SLC5A4: variants seen among roughly 807,000 people sequenced by gnomAD.
The protein encoded by SLC5A4 is solute carrier family 5 member 4.
A neutral mutation model predicts 70.3 loss-of-function variants in SLC5A4; 55 were observed. The observed-to-expected ratio is 0.78, with a 90% CI of 0.63 to 0.98. SLC5A4 has a LOEUF of 0.98. SLC5A4 is among the 50% of genes least tolerant of loss of function. The pLI is 0.00. For synonymous variants in SLC5A4, 268 were observed against 305.7 expected (o/e 0.88, Z 1.29); for missense variants, 735 against 839.2 (o/e 0.88, Z 1.53).
the SLC5A4 span, among the ~76,000 whole-genome samples, chr22:32,310,649 G>A: frequency 6.6e-6 from 1 of 152,220 alleles, no homozygotes; most frequent in Non-Finnish European, 1.5e-5. Context: ...GCCTGGAGGA[G>A]ACAGCTGGAC....
the SLC5A4 span, among the ~76,000 whole-genome samples, chr22:32,313,663 G>T: frequency 1.3e-5 from 2 of 152,176 alleles, no homozygotes; most frequent in Non-Finnish European, 2.9e-5. Flanking sequence ...ATCTGTGGCA[G>T]GCAGCATGAA....
At chr22:32,228,147 A>G (rs1355226434) in intron 11 of SLC5A4, among the ~76,000 whole-genome samples, 1 of 152,168 alleles carries the variant, frequency 6.6e-6, no homozygotes, top group Admixed American at 6.5e-5. Context: ...CGATGGTTAC[A>G]TGGGTCCTCA....
intron 7 of SLC5A4, 94 bp from the exon 8 acceptor site, chr22:32,235,187 C>A: frequency 1.2e-6 from 1 of 849,040 alleles, no homozygotes; most frequent in Middle Eastern, 3.6e-4. Context: ...TAAACAAGCA[C>A]CTCCCATCAG....
the SLC5A4 span, chr22:32,327,359 G>T: frequency 6.6e-6 from 1 of 152,424 alleles, no homozygotes; most frequent in African/African-American, 2.4e-5. Flanking sequence ...TTTGCTTCCT[G>T]GCCAGAGTGC....
chr22:32,338,414 C>T, the SLC5A4 span, among the ~76,000 whole-genome samples: 6 of 152,060 alleles, frequency 3.9e-5, no homozygotes, highest in Non-Finnish European at 5.9e-5. Context: ...TTTGGGAGGC[C>T]GAGGCAGGTG....
At chr22:32,247,981 C>T (rs147264360) in intron 4 of SLC5A4, among the ~76,000 whole-genome samples, 1 of 152,306 alleles carries the variant, frequency 6.6e-6, no homozygotes, top group Non-Finnish European at 1.5e-5. Context: ...CCTCCATTGC[C>T]TTCACTTTTA....
chr22:32,332,287 G>A, the SLC5A4 span, among the ~76,000 whole-genome samples: 82 of 152,240 alleles, frequency 5.4e-4, 1 homozygote, highest in Admixed American at 1.7e-3. Context: ...TCTGCCACCC[G>A]TCCCCTCCTG....
the SLC5A4 span, among the ~76,000 whole-genome samples, chr22:32,307,571 T>C: frequency 9.2e-5 from 14 of 152,192 alleles, no homozygotes; most frequent in African/African-American, 3.4e-4. Flanking sequence ...ATGGGTTTTC[T>C]AGGAGGATCC....
chr22:32,339,107 T>C, the SLC5A4 span, among the ~76,000 whole-genome samples: 1 of 152,122 alleles, frequency 6.6e-6, no homozygotes, highest in Admixed American at 6.5e-5. Context: ...CATCGCTGAT[T>C]CAATAGGAGA....
chr22:32,352,973 C>G, the SLC5A4 span, among the ~76,000 whole-genome samples: 3 of 152,372 alleles, frequency 2.0e-5, no homozygotes, highest in South Asian at 6.2e-4. Context: ...GGCGGCTCCT[C>G]CTCCTGGCAT....
chr22:32,303,022 G>T, the SLC5A4 span, among the ~76,000 whole-genome samples: 57 of 150,024 alleles, frequency 3.8e-4, no homozygotes, highest in African/African-American at 1.3e-3. Context: ...AAAATAATTT[G>T]TTTACTTATT....
chr22:32,290,181 A>G, the SLC5A4 span, among the ~76,000 whole-genome samples: 1 of 152,220 alleles, frequency 6.6e-6, no homozygotes, highest in East Asian at 1.9e-4. Context: ...TGCTGCACCT[A>G]TCAACCCGTC....
rs193280388 is a variant in SLC5A4 at position 32,253,322 on chromosome 22, C to T, written c.207+820G>A. On this transcript the variant is annotated intron_variant, in intron 2 of 14. Transcript: ENST00000266086. ...GTCACACATCAAAACCCCACAAGAA[C>T]ACCCACTGGGCAAGAATCAAGAGGC... is the stretch of plus-strand genomic sequence containing the variant. Among the ~76,000 whole-genome samples the T allele has an allele frequency of 5.3e-5, 8 of 152,318 alleles. No homozygotes were observed. In the East Asian group the frequency reaches 1.5e-3, roughly 29 times the overall value.
chr22:32,305,812 C>A, the SLC5A4 span, among the ~76,000 whole-genome samples: 64 of 151,528 alleles, frequency 4.2e-4, no homozygotes, highest in South Asian at 3.6e-3. Flanking sequence ...GAAGGCATGC[C>A]GTCTGCAGTG....
chr22:32,304,104 G>C, the SLC5A4 span, among the ~76,000 whole-genome samples: 1 of 152,086 alleles, frequency 6.6e-6, no homozygotes, highest in South Asian at 2.1e-4. Context: ...TTTGGTCTTT[G>C]GCTCATTTTT....
At chr22:32,343,917 G>C in the SLC5A4 span, among the ~76,000 whole-genome samples, 5 of 152,178 alleles carry the variant, frequency 3.3e-5, no homozygotes, top group African/African-American at 1.2e-4. Flanking sequence ...GATCTAATAA[G>C]TAAGTCTTTA....
chr22:32,249,913 T>A (rs1429537520), intron 3 of SLC5A4, among the ~76,000 whole-genome samples: 1 of 152,198 alleles, frequency 6.6e-6, no homozygotes, highest in East Asian at 1.9e-4. Context: ...TTGGTGATTT[T>A]TTTTTTAGGT....
At position 32,224,298 on chromosome 22, in the gene SLC5A4, G is replaced by C. The variant is rs762199635; in HGVS notation, c.1634C>G (p.Ser545Cys). Residue 545 changes from serine to cysteine, a missense_variant, in exon 13 of 15, where the codon TCC becomes TGC. Ser to Cys is a moderately radical substitution (Grantham distance 112). Transcript: ENST00000266086. ...ATCAGGAATGGGTTTTGTTAAGAGG[G>C]AAATTCCCAGGGTGACCAGCATGGA... Reference protein sequence around the residue: ...FGSMLVTLGISLLTKPIPDVH... With the variant: ...FGSMLVTLGICLLTKPIPDVH... 3.7e-6 allele frequency: 6 copies of C among 1,613,724 alleles called. No homozygotes were observed. The African/African-American group carries it at 8.0e-5, about 22-fold the overall frequency.
At chr22:32,323,656 G>A in the SLC5A4 span, among the ~76,000 whole-genome samples, 1 of 152,212 alleles carries the variant, frequency 6.6e-6, no homozygotes, top group African/African-American at 2.4e-5. Context: ...AGTCAGAGGA[G>A]GCTTGGAGAG....
Sources: allele counts gnomAD v4.1 joint callset (sites outside exome capture counted in the v4.1 genomes callset), GRCh38; gene constraint gnomAD v4.1.1; transcripts MANE v1.5; gene names NCBI Gene and HGNC (gene_info 2026-07-23, HGNC 2026-07-21).